PHACTR1: variants seen among roughly 807,000 people sequenced by gnomAD.
PHACTR1 encodes RPEL repeat containing 1.
PHACTR1 carries 16 observed loss-of-function variants against 69.2 expected under a neutral mutation model. The observed-to-expected ratio is 0.23, with a 90% CI of 0.16 to 0.35. The LOEUF (loss-of-function observed/expected upper bound fraction) is 0.35. Among genes scored for constraint, PHACTR1 ranks in the 10% least tolerant of loss-of-function variants. PHACTR1 has a pLI of 1.00. For synonymous variants in PHACTR1, 312 were observed against 284.5 expected, an observed-to-expected ratio of 1.10 and a Z score of -0.97; for missense variants, 510 against 734.7, an observed-to-expected ratio of 0.69 and a Z score of 3.54.
chr6:13,025,635 TGTAA>T (rs1352626065), intron 4 of PHACTR1, among the ~76,000 whole-genome samples: 3 of 151,466 alleles, frequency 2.0e-5, no homozygotes, highest in African/African-American at 7.3e-5. Flanking sequence ...TAACCTGTGA[TGTAA>T]GTCAGGCATA....
intron 4 of PHACTR1, among the ~76,000 whole-genome samples, chr6:12,783,213 A>G (rs1771052902): frequency 1.3e-5 from 2 of 152,150 alleles, no homozygotes; most frequent in African/African-American, 2.4e-5. Context: ...CCCTGCATCC[A>G]TTGCCCAGGT....
chr6:12,817,033 A>G (rs779984193), intron 4 of PHACTR1, among the ~76,000 whole-genome samples: 1 of 152,118 alleles, frequency 6.6e-6, no homozygotes, highest in African/African-American at 2.4e-5. Flanking sequence ...GTGTGAATCT[A>G]TTGAATATAT....
chr6:12,835,642 G>C (rs1308990555), intron 4 of PHACTR1, among the ~76,000 whole-genome samples: 1 of 151,994 alleles, frequency 6.6e-6, no homozygotes, highest in Non-Finnish European at 1.5e-5. Context: ...TATGAATAGG[G>C]ATAGACTAAA....
intron 5 of PHACTR1, among the ~76,000 whole-genome samples, chr6:13,092,277 T>G (rs1813413415): frequency 6.6e-6 from 1 of 152,196 alleles, no homozygotes; most frequent in Non-Finnish European, 1.5e-5. Flanking sequence ...GCCTGGGGGT[T>G]GGGGACCCCT....
At chr6:12,880,713 T>C (rs1783006895) in intron 4 of PHACTR1, among the ~76,000 whole-genome samples, 1 of 152,006 alleles carries the variant, frequency 6.6e-6, no homozygotes, top group African/African-American at 2.4e-5. Context: ...AATGTGGAAT[T>C]GAAGTGCAAA....
intron 5 of PHACTR1, among the ~76,000 whole-genome samples, chr6:13,123,088 A>C (rs1561861563): frequency 6.6e-6 from 1 of 152,138 alleles, no homozygotes; most frequent in African/African-American, 2.4e-5. Context: ...TTGGGAGGAG[A>C]AAAGGGCCCC....
intron 4 of PHACTR1, among the ~76,000 whole-genome samples, chr6:13,031,370 A>G (rs1288712983): frequency 6.6e-6 from 1 of 152,230 alleles, no homozygotes; most frequent in Non-Finnish European, 1.5e-5. Context: ...ATTCACTTTT[A>G]GACTTTGTGA....
intron 4 of PHACTR1, among the ~76,000 whole-genome samples, chr6:12,852,571 C>T (rs1283295867): frequency 1.3e-5 from 2 of 152,076 alleles, no homozygotes; most frequent in African/African-American, 4.8e-5. Flanking sequence ...TCTGCAATCT[C>T]TTTATATTTA....
At chr6:13,151,558 A>C (rs1824311316) in intron 5 of PHACTR1, among the ~76,000 whole-genome samples, 1 of 152,246 alleles carries the variant, frequency 6.6e-6, no homozygotes, top group Non-Finnish European at 1.5e-5. Flanking sequence ...TGTGGGAACA[A>C]CTTAACTTGC....
intron 10 of PHACTR1, among the ~76,000 whole-genome samples, chr6:13,271,579 C>T (rs1159689522): frequency 6.6e-6 from 1 of 151,986 alleles, no homozygotes; most frequent in Non-Finnish European, 1.5e-5. Flanking sequence ...TATAAAATGG[C>T]GTAGTATTTG....
At chr6:12,805,782 G>A (rs1029002988) in intron 4 of PHACTR1, among the ~76,000 whole-genome samples, 2 of 151,980 alleles carry the variant, frequency 1.3e-5, no homozygotes, top group Non-Finnish European at 2.9e-5. Flanking sequence ...TGTATTTTTA[G>A]TAGGGACAGG....
chr6:13,074,190 A>C (rs964120643), intron 5 of PHACTR1, among the ~76,000 whole-genome samples: 1 of 152,176 alleles, frequency 6.6e-6, no homozygotes, highest in Non-Finnish European at 1.5e-5. Flanking sequence ...AATTCAAGAC[A>C]AATTGTCTGG....
chr6:12,940,068 C>G (rs545542186), intron 4 of PHACTR1, among the ~76,000 whole-genome samples: 1 of 152,144 alleles, frequency 6.6e-6, no homozygotes, highest in African/African-American at 2.4e-5. Context: ...TCATTTCCCC[C>G]CTGCTGTTAG....
intron 4 of PHACTR1, among the ~76,000 whole-genome samples, chr6:12,930,589 G>A (rs978064493): frequency 6.6e-6 from 1 of 152,208 alleles, no homozygotes; most frequent in African/African-American, 2.4e-5. Flanking sequence ...GAGAGCACAG[G>A]AGCCTGAATC....
chr6:12,813,190 A>G (rs1775214224), intron 4 of PHACTR1, among the ~76,000 whole-genome samples: 1 of 152,236 alleles, frequency 6.6e-6, no homozygotes, highest in Non-Finnish European at 1.5e-5. Context: ...TTAAATATTT[A>G]CAAATTGCAC....
chr6:13,200,253 C>T (rs1011125439), intron 7 of PHACTR1, among the ~76,000 whole-genome samples: 23 of 152,258 alleles, frequency 1.5e-4, no homozygotes, highest in Middle Eastern at 3.4e-3. Context: ...CTCTGTCACC[C>T]AGACTGGAGT....
chr6:12,990,467 C>T (rs1796694538), intron 4 of PHACTR1, among the ~76,000 whole-genome samples: 1 of 152,222 alleles, frequency 6.6e-6, no homozygotes, highest in African/African-American at 2.4e-5. Context: ...CTCGAACTTG[C>T]TAGGCTGAAA....
At chr6:13,253,067 G>A in intron 10 of PHACTR1, 1 of 454,952 alleles carries the variant, frequency 2.2e-6, no homozygotes, top group South Asian at 1.6e-5. Flanking sequence ...CCCACTGAAT[G>A]AGGAGGGAAA....
chr6:13,112,511 T>C (rs552545697), intron 5 of PHACTR1, among the ~76,000 whole-genome samples: 12 of 152,302 alleles, frequency 7.9e-5, no homozygotes, highest in Non-Finnish European at 1.2e-4. Flanking sequence ...AGTGTATAAG[T>C]GTTTCATTTT....
Sources: gnomAD v4.1 joint callset for allele counts (sites outside exome capture counted in the v4.1 genomes callset) on GRCh38, gnomAD v4.1.1 for gene constraint, MANE v1.5 for transcripts, NCBI Gene and HGNC (gene_info 2026-07-23, HGNC 2026-07-21) for gene names.